The following NPHP4 variants were observed in gnomAD, a reference collection of about 807,000 sequenced individuals.
The protein encoded by NPHP4 is nephrocystin 4.
In NPHP4, 151 loss-of-function variants were observed where a neutral mutation model predicts 155.8. The ratio of observed to expected loss-of-function variants is 0.97; its 90% CI spans 0.85 to 1.11. NPHP4 has a LOEUF of 1.11. Among genes scored for constraint, NPHP4 ranks in the 50% least tolerant of loss-of-function variants. NPHP4 has a pLI of 0.00. For missense variants in NPHP4, 1,956 were observed against 1,925.7 expected (o/e 1.02, Z -0.29); for synonymous variants, 845 against 816.8 (o/e 1.03, Z -0.59).
chr1:5,925,613 GTTTGT>G (rs1247976967), intron 11 of NPHP4, among the ~76,000 whole-genome samples: 1 of 151,384 alleles, frequency 6.6e-6, no homozygotes, highest in Non-Finnish European at 1.5e-5. Flanking sequence ...GTTTTTTTTT[GTTTGT>G]TTTGTTTTGT....
rs886046463 is a variant in NPHP4 at position 5,877,200 on chromosome 1, C to T, written c.2710G>A (p.Val904Ile). The change falls in exon 20 of 30, where the codon GTC becomes ATC. Residue 904 changes from valine to isoleucine, a missense_variant. Physicochemically the swap from Val to Ile is conservative, Grantham distance 29. Transcript: ENST00000378156. ...HARQGKGPQD[V>I]SRESDATRRR... Reference sequence around the variant, plus strand: ...CGGGTGGCATCCGACTCGCGGCTGACGTCCTGGGGCCCCTTGCCCTGCCGG... The same window carrying T: ...CGGGTGGCATCCGACTCGCGGCTGATGTCCTGGGGCCCCTTGCCCTGCCGG... 1.0e-5 allele frequency: 16 copies of T among 1,605,418 alleles called. No individual in the cohort carries two copies. In the East Asian group the frequency reaches 1.6e-4, roughly 16 times the overall value.
intron 7 of NPHP4, among the ~76,000 whole-genome samples, chr1:5,951,855 G>A (rs1455436847): frequency 6.6e-6 from 1 of 152,166 alleles, no homozygotes. Context: ...CAACCTCCCT[G>A]GCCCTGGTGT....
At chr1:5,907,497 A>G (rs1316789730) in intron 12 of NPHP4, among the ~76,000 whole-genome samples, 1 of 152,254 alleles carries the variant, frequency 6.6e-6, no homozygotes, top group Non-Finnish European at 1.5e-5. Flanking sequence ...GCAAGAAAGG[A>G]GAAAGCATCT....
chr1:5,911,055 C>A (rs2101312663), intron 11 of NPHP4, among the ~76,000 whole-genome samples: 1 of 152,380 alleles, frequency 6.6e-6, no homozygotes, highest in South Asian at 2.1e-4. Context: ...GTCAGAGGAA[C>A]CTGCCCTTCT....
Position 5,967,376 on chromosome 1 carries a change from AC to A in NPHP4, c.453-14del. The A allele has an allele frequency of 1.9e-6, 3 of 1,600,180 alleles. No homozygotes were observed. Among genetic ancestry groups the A allele is most frequent in the Non-Finnish European group, 2.6e-6 (3 of 1,173,576 alleles). ...GTACAGCCGCAACCTGGAAGACAGG[AC>A]CCAGAGAACAGTCGTCAGCCACGTG... is the stretch of plus-strand genomic sequence containing the variant. On this transcript the variant is annotated splice_polypyrimidine_tract_variant and intron_variant, in intron 4 of 29. Coordinates refer to ENST00000378156, the MANE Select transcript of NPHP4 (RefSeq NM_015102.5).
At chr1:5,927,589 G>C in intron 11 of NPHP4, 60 bp downstream of exon 11, 1 of 1,532,898 alleles carries the variant, frequency 6.5e-7, no homozygotes, top group Non-Finnish European at 8.9e-7. Context: ...CTTTCCCCGG[G>C]AAGAGATGGA....
At chr1:5,991,786 G>A (rs1402110536) in intron 1 of NPHP4, among the ~76,000 whole-genome samples, 7 of 152,054 alleles carry the variant, frequency 4.6e-5, no homozygotes, top group Non-Finnish European at 1.0e-4. Flanking sequence ...GGGGCGGGGA[G>A]GAGGGGCGGA....
intron 6 of NPHP4, among the ~76,000 whole-genome samples, chr1:5,955,513 A>G (rs929861414): frequency 4.6e-5 from 7 of 152,230 alleles, no homozygotes; most frequent in Non-Finnish European, 7.3e-5. Flanking sequence ...GAATGCATAA[A>G]GAAAAGTAGT....
At chr1:5,949,369 C>CACACACACACACACACACACACA (rs1047844844) in intron 7 of NPHP4, among the ~76,000 whole-genome samples, 2 of 151,826 alleles carry the variant, frequency 1.3e-5, no homozygotes, top group African/African-American at 2.4e-5. Context: ...CACACACACA[C>CACACACACACACACACACACACA]AACTTGCTAA....
chr1:5,949,370 A>ACACACACAC (rs55949618), intron 7 of NPHP4, among the ~76,000 whole-genome samples: 1 of 149,142 alleles, frequency 6.7e-6, no homozygotes, highest in African/African-American at 2.6e-5. Flanking sequence ...ACACACACAC[A>ACACACACAC]ACTTGCTAAC....
chr1:5,864,687 G>A (rs1641020687), intron 27 of NPHP4, 170 bp from the exon 28 acceptor site: 5 of 575,730 alleles, frequency 8.7e-6, no homozygotes, highest in African/African-American at 1.9e-5. Flanking sequence ...GCCGCGACTT[G>A]GGTCCACACC....
rs1263619468 is a variant in NPHP4, at chr1:5,992,363, G to A, written c.-158C>T. ...GTGCTCAACGGAGCCACAAGCCTGA[G>A]GACCGAGGACTGGCCGAGGGGCGCG... On this transcript the variant is annotated 5_prime_UTR_variant, in exon 1 of 30. Coordinates refer to ENST00000378156, the MANE Select transcript of NPHP4 (RefSeq NM_015102.5). 6.6e-6 allele frequency: 1 copy of A among 152,322 alleles called. No homozygotes were observed. The highest frequency in any genetic ancestry group is 2.4e-5 in the African/African-American group (1 of 41,564). The allele number at this position is 152,322 out of a possible 1,614,324, so 9.4% of individuals were successfully genotyped here. A position where few individuals can be genotyped will look rare whatever the true frequency, so the allele number is the denominator to read the frequency against.
rs1331874628 is a variant in NPHP4, at chr1:5,892,231, T to C, written c.2144-1203A>G. The stretch of plus-strand genomic sequence containing the variant: ...CATGAGCGACGCAGAAGATGGGTGA[T>C]TTCTGCATTTCCAACTGAGGTACCG... On this transcript the variant is annotated intron_variant, in intron 16 of 29. Transcript: ENST00000378156. The surrounding 1 kb of genome is among the most constrained non-coding windows in gnomAD (Gnocchi z 4.5). Among the ~76,000 whole-genome samples the C allele has an allele frequency of 6.6e-6, 1 of 152,160 alleles. No homozygotes were observed.
Position 5,934,301 on chromosome 1 carries a change from G to A in NPHP4, c.1120-972C>T, listed in dbSNP as rs1158127871. ...ACAGCGGGTCCGACCAGGAGCCCCAGTTAGAGCTCTTTCCACTCCTAAGAT... is the reference window on the plus strand; with the variant it reads ...ACAGCGGGTCCGACCAGGAGCCCCAATTAGAGCTCTTTCCACTCCTAAGAT... On this transcript the variant is annotated intron_variant, in intron 9 of 29. Transcript: ENST00000378156. Among the ~76,000 whole-genome samples, 17 of 152,296 alleles carry A rather than the reference G, an allele frequency of 1.1e-4. No individual in the cohort carries two copies. The East Asian group carries it at 2.1e-3, about 19-fold the overall frequency.
At chr1:5,983,598 T>C (rs552520966) in intron 2 of NPHP4, among the ~76,000 whole-genome samples, 2 of 152,348 alleles carry the variant, frequency 1.3e-5, no homozygotes, top group East Asian at 3.9e-4. Flanking sequence ...CTCCCTTTGC[T>C]GATCTTGCTC....
intron 3 of NPHP4, among the ~76,000 whole-genome samples, chr1:5,975,944 C>T (rs777842395): frequency 6.6e-6 from 1 of 152,176 alleles, no homozygotes; most frequent in Non-Finnish European, 1.5e-5. Flanking sequence ...CTGCGCAGCA[C>T]GGATCCTTAG....
intron 11 of NPHP4, among the ~76,000 whole-genome samples, chr1:5,923,875 A>T (rs1340115100): frequency 6.6e-6 from 1 of 152,264 alleles, no homozygotes; most frequent in Non-Finnish European, 1.5e-5. Context: ...CCAAAGAGGC[A>T]GGAAAACAGA....
At chr1:5,866,877 G>T (rs1641287211) in intron 25 of NPHP4, among the ~76,000 whole-genome samples, 153 bp downstream of exon 25, 1 of 152,208 alleles carries the variant, frequency 6.6e-6, no homozygotes, top group Admixed American at 6.5e-5. Context: ...GCTCTCATAA[G>T]GATGTCAAAA....
At chr1:5,964,846 T>C (rs1299200330) in intron 5 of NPHP4, among the ~76,000 whole-genome samples, 2 of 147,376 alleles carry the variant, frequency 1.4e-5, no homozygotes, top group Non-Finnish European at 3.0e-5. Context: ...CAACTTTTTA[T>C]ATGTATATAT....
Sources: allele counts gnomAD v4.1 joint callset (sites outside exome capture counted in the v4.1 genomes callset), GRCh38; gene constraint gnomAD v4.1.1; non-coding constraint Gnocchi (gnomAD v3.1); transcripts MANE v1.5; gene names NCBI Gene and HGNC (gene_info 2026-07-23, HGNC 2026-07-21).